The following CPED1 variants were observed in gnomAD, a reference collection of about 807,000 sequenced individuals.
The protein encoded by CPED1 is cadherin like and PC-esterase domain containing 1, also known as cadherin-like and PC-esterase domain-containing protein 1.
In CPED1, 114 loss-of-function variants were observed where a neutral mutation model predicts 128.2. The observed-to-expected ratio is 0.89, with a 90% confidence interval of 0.76 to 1.04. CPED1 has a LOEUF of 1.04. CPED1 is among the 50% of genes least tolerant of loss of function. CPED1 has a pLI of 0.00. For missense variants in CPED1, 1,211 were observed against 1,207.1 expected (o/e 1.00, Z -0.05); for synonymous variants, 462 against 426.7 (o/e 1.08, Z -1.02).
At chr7:121,204,441 C>G (rs992940109) in intron 16 of CPED1, among the ~76,000 whole-genome samples, 1 of 152,100 alleles carries the variant, frequency 6.6e-6, no homozygotes, top group Admixed American at 6.6e-5. Context: ...AAGTATATTT[C>G]AAGTCTACCA....
intron 3 of CPED1, among the ~76,000 whole-genome samples, chr7:121,039,291 C>T (rs184384581): frequency 2.4e-4 from 37 of 152,168 alleles, no homozygotes; most frequent in Non-Finnish European, 4.6e-4. Flanking sequence ...CAGCTCTAAT[C>T]GTTGACTTCA....
At chr7:121,285,004 C>T (rs113141014) in intron 22 of CPED1, among the ~76,000 whole-genome samples, 2,087 of 152,310 alleles carry the variant, frequency 0.014, 21 homozygotes, top group Admixed American at 0.019. Context: ...ATGAAGTTTC[C>T]GCCCCTGCAG....
chr7:121,164,696 C>T (rs1405078066), intron 16 of CPED1, among the ~76,000 whole-genome samples: 1 of 152,182 alleles, frequency 6.6e-6, no homozygotes, highest in African/African-American at 2.4e-5. Context: ...CTGCTTTTAT[C>T]ATTATGTAGC....
At chr7:121,000,660 G>C (rs900466671) in intron 2 of CPED1, among the ~76,000 whole-genome samples, 2 of 152,076 alleles carry the variant, frequency 1.3e-5, no homozygotes, top group Non-Finnish European at 2.9e-5. Flanking sequence ...GAGTAACTTG[G>C]TAAGAGGGAA....
At chr7:121,119,059 T>A (rs1482834608) in intron 7 of CPED1, among the ~76,000 whole-genome samples, 2 of 152,156 alleles carry the variant, frequency 1.3e-5, no homozygotes, top group African/African-American at 4.8e-5. Flanking sequence ...CTATAAATTA[T>A]TTAATATGAT....
chr7:121,287,959 A>T (rs1792619277), intron 22 of CPED1, among the ~76,000 whole-genome samples: 1 of 152,220 alleles, frequency 6.6e-6, no homozygotes, highest in Non-Finnish European at 1.5e-5. Flanking sequence ...TTCAAATGTT[A>T]ACTTTATAAT....
chr7:121,227,169 A>G (rs539079589), intron 16 of CPED1, among the ~76,000 whole-genome samples: 30 of 152,124 alleles, frequency 2.0e-4, no homozygotes, highest in Non-Finnish European at 3.2e-4. Context: ...AGCGTTGGCC[A>G]TATAGGTCAT....
At chr7:121,061,770 A>G (rs1470123275) in intron 4 of CPED1, among the ~76,000 whole-genome samples, 1 of 152,256 alleles carries the variant, frequency 6.6e-6, no homozygotes, top group Non-Finnish European at 1.5e-5. Context: ...GTAAAAGTAA[A>G]AATACGAAGC....
At chr7:121,001,197 G>A (rs531429688) in intron 2 of CPED1, among the ~76,000 whole-genome samples, 2 of 152,286 alleles carry the variant, frequency 1.3e-5, no homozygotes, top group East Asian at 1.9e-4. Context: ...TCAAATGCAA[G>A]CATATTCCAC....
intron 17 of CPED1, 92 bp downstream of exon 17, chr7:121,236,923 AC>A (rs1410653872): frequency 7.1e-6 from 4 of 561,788 alleles, no homozygotes; most frequent in Middle Eastern, 3.3e-4. Flanking sequence ...TTATAAAAAA[AC>A]AAGGGCATTA....
chr7:121,003,607 C>A (rs1011124178), intron 2 of CPED1, among the ~76,000 whole-genome samples: 4 of 152,004 alleles, frequency 2.6e-5, no homozygotes, highest in African/African-American at 9.7e-5. Flanking sequence ...TGGAGATCTC[C>A]AGGGCTGATT....
intron 7 of CPED1, among the ~76,000 whole-genome samples, chr7:121,118,978 CATG>C (rs1304044538): frequency 2.0e-5 from 3 of 152,180 alleles, no homozygotes; most frequent in African/African-American, 7.2e-5. Context: ...TACAATTCAA[CATG>C]ATATTTGGTG....
chr7:121,022,341 A>G (rs2116833125), intron 3 of CPED1, among the ~76,000 whole-genome samples: 2 of 152,102 alleles, frequency 1.3e-5, no homozygotes, highest in Non-Finnish European at 2.9e-5. Context: ...TGAAACCATA[A>G]ATATAGTATT....
intron 22 of CPED1, among the ~76,000 whole-genome samples, chr7:121,276,938 T>G (rs894797416): frequency 2.6e-5 from 4 of 151,998 alleles, no homozygotes; most frequent in Middle Eastern, 3.2e-3. Context: ...ATGGTTTTGT[T>G]TCAAACAGTT....
intron 2 of CPED1, among the ~76,000 whole-genome samples, chr7:120,992,266 T>G (rs1334909370): frequency 2.0e-5 from 3 of 152,208 alleles, no homozygotes; most frequent in African/African-American, 4.8e-5. Flanking sequence ...CTGTAAATTT[T>G]GGATTTTGTT....
intron 16 of CPED1, among the ~76,000 whole-genome samples, chr7:121,209,455 A>G (rs1293296862): frequency 6.6e-6 from 1 of 152,072 alleles, no homozygotes; most frequent in Non-Finnish European, 1.5e-5. Context: ...TTATGAAACT[A>G]TAAAAATTTG....
intron 22 of CPED1, among the ~76,000 whole-genome samples, chr7:121,294,243 C>T (rs1792773894): frequency 1.3e-5 from 2 of 152,008 alleles, no homozygotes; most frequent in Non-Finnish European, 2.9e-5. Flanking sequence ...CATAAAGTAA[C>T]CATGAATGAA....
At chr7:121,091,812 A>G (rs1794576760) in intron 5 of CPED1, among the ~76,000 whole-genome samples, 1 of 152,204 alleles carries the variant, frequency 6.6e-6, no homozygotes. Flanking sequence ...ATAAACAGAA[A>G]TTCGTGTTTT....
rs117410788 is a variant in CPED1, at chr7:121,069,090, T to C, written c.616+4777T>C. On this transcript the variant is annotated intron_variant, in intron 5 of 22. Coordinates refer to ENST00000310396, the MANE Select transcript of CPED1 (RefSeq NM_024913.5). ...GCTCTGGAGTGAGGCACTATCTCTTTTTCAAGGCTTTCCACTATATAAATA... is the reference window on the plus strand; with the variant it reads ...GCTCTGGAGTGAGGCACTATCTCTTCTTCAAGGCTTTCCACTATATAAATA... Among the ~76,000 whole-genome samples, 1,052 of 152,230 alleles carry C rather than the reference T, an allele frequency of 6.9e-3. 3 individuals carry two copies. Among genetic ancestry groups the C allele is most frequent in the Non-Finnish European group, 0.01 (687 of 67,976 alleles).
Sources: gnomAD v4.1 joint callset for allele counts (sites outside exome capture counted in the v4.1 genomes callset) on GRCh38, gnomAD v4.1.1 for gene constraint, MANE v1.5 for transcripts, NCBI Gene and HGNC (gene_info 2026-07-23, HGNC 2026-07-21) for gene names.